The following NRXN1 variants were observed in gnomAD, a reference collection of about 807,000 sequenced individuals.
NRXN1 encodes neurexin 1, also known as neurexin-1.
Under a neutral mutation model 150.9 loss-of-function variants are expected in NRXN1, and 39 were observed. The observed-to-expected ratio is 0.26, with a 90% CI of 0.20 to 0.34. The LOEUF is 0.34. Ranked by LOEUF, NRXN1 falls within the 10% of genes least tolerant of loss-of-function variation. The pLI is 1.00. For synonymous variants in NRXN1, 924 were observed against 757.0 expected (o/e 1.22, Z -3.62); for missense variants, 1,815 against 1,949.9 (o/e 0.93, Z 1.30).
chr2:50,541,928 G>A (rs923174362), intron 9 of NRXN1, among the ~76,000 whole-genome samples: 1 of 152,102 alleles, frequency 6.6e-6, no homozygotes, highest in African/African-American at 2.4e-5. Context: ...ATCATAAAGA[G>A]TAAGTTTCTC....
At chr2:50,155,882 A>T (rs2058988195) in intron 18 of NRXN1, among the ~76,000 whole-genome samples, 1 of 151,716 alleles carries the variant, frequency 6.6e-6, no homozygotes, top group Non-Finnish European at 1.5e-5. Context: ...ACTGTTTAAA[A>T]AAAAGTAGAC....
intron 21 of NRXN1, among the ~76,000 whole-genome samples, chr2:50,011,733 C>T (rs150141339): frequency 6.6e-6 from 1 of 152,064 alleles, no homozygotes; most frequent in East Asian, 1.9e-4. Context: ...AAAGACAATT[C>T]CAAGATTCCT....
At position 50,882,748 on chromosome 2, in the gene NRXN1, T is replaced by C. The variant is rs187737659; in HGVS notation, c.832+39121A>G. Among the ~76,000 whole-genome samples, 46 of 151,984 alleles carry C rather than the reference T, an allele frequency of 3.0e-4. 1 individual carries two copies. Among genetic ancestry groups the C allele is most frequent in the African/African-American group, 1.1e-3 (45 of 41,522 alleles). Reference sequence around the variant, plus strand: ...TTCATAGCATTTCTTAGAAATTCCTTCAACCATAAATTATTATGTACCTTT... The same window carrying C: ...TTCATAGCATTTCTTAGAAATTCCTCCAACCATAAATTATTATGTACCTTT... On this transcript the variant is annotated intron_variant, in intron 5 of 22. Coordinates refer to ENST00000401669, the MANE Select transcript of NRXN1 (RefSeq NM_001330078.2).
chr2:50,031,034 C>T (rs1689099763), intron 21 of NRXN1, among the ~76,000 whole-genome samples: 1 of 151,990 alleles, frequency 6.6e-6, no homozygotes, highest in East Asian at 1.9e-4. Flanking sequence ...AATTTTAAAG[C>T]ACTACCCACA....
chr2:51,013,667 T>C (rs1440238965), intron 2 of NRXN1, among the ~76,000 whole-genome samples: 1 of 152,064 alleles, frequency 6.6e-6, no homozygotes, highest in African/African-American at 2.4e-5. Flanking sequence ...AATTTAAAAC[T>C]AGCAGTTGTC....
intron 17 of NRXN1, among the ~76,000 whole-genome samples, chr2:50,411,698 G>C (rs1436948939): frequency 6.6e-6 from 1 of 150,632 alleles, no homozygotes; most frequent in Admixed American, 6.6e-5. Flanking sequence ...GGGAGGTGGG[G>C]GGGCAGCCCC....
At chr2:50,603,213 ATGTG>A (rs965965055) in intron 8 of NRXN1, among the ~76,000 whole-genome samples, 2 of 152,206 alleles carry the variant, frequency 1.3e-5, no homozygotes, top group Admixed American at 6.5e-5. Context: ...TAAAAACATC[ATGTG>A]TTTTGATCAT....
intron 2 of NRXN1, among the ~76,000 whole-genome samples, chr2:50,988,027 A>G (rs1006612832): frequency 5.9e-5 from 9 of 152,040 alleles, no homozygotes; most frequent in African/African-American, 2.2e-4. Flanking sequence ...GATAGCTGCT[A>G]TTGAAATGTT....
intron 18 of NRXN1, among the ~76,000 whole-genome samples, chr2:50,094,059 C>T (rs1699916338): frequency 6.6e-6 from 1 of 152,164 alleles, no homozygotes; most frequent in Non-Finnish European, 1.5e-5. Context: ...AGTTAGTAGA[C>T]ATGTATCAAT....
At chr2:50,479,568 G>T (rs571873290) in intron 15 of NRXN1, among the ~76,000 whole-genome samples, 1 of 152,098 alleles carries the variant, frequency 6.6e-6, no homozygotes, top group South Asian at 2.1e-4. Context: ...CACTTAGTAA[G>T]CATTTGATAA....
chr2:50,092,860 A>G (rs1699769899), intron 18 of NRXN1, among the ~76,000 whole-genome samples: 2 of 152,086 alleles, frequency 1.3e-5, no homozygotes, highest in Non-Finnish European at 2.9e-5. Context: ...GCATGCTTAC[A>G]ATTTTTTTTG....
intron 8 of NRXN1, among the ~76,000 whole-genome samples, chr2:50,553,438 A>G (rs867132757): frequency 1.3e-5 from 2 of 152,184 alleles, no homozygotes; most frequent in South Asian, 2.1e-4. Flanking sequence ...CAGTTTTCCC[A>G]TCATTAAAGC....
At chr2:50,085,269 T>C (rs1012630055) in intron 19 of NRXN1, among the ~76,000 whole-genome samples, 1 of 152,234 alleles carries the variant, frequency 6.6e-6, no homozygotes, top group Non-Finnish European at 1.5e-5. Context: ...ATTCAACAAC[T>C]ATTTATTAAG....
At chr2:50,496,555 T>C (rs1312811833) in intron 14 of NRXN1, among the ~76,000 whole-genome samples, 1 of 152,186 alleles carries the variant, frequency 6.6e-6, no homozygotes, top group East Asian at 1.9e-4. Flanking sequence ...CATGTTTTTC[T>C]AATTTACCTG....
intron 18 of NRXN1, among the ~76,000 whole-genome samples, chr2:50,125,894 C>T (rs185747486): frequency 2.0e-4 from 30 of 152,134 alleles, no homozygotes; most frequent in Non-Finnish European, 4.1e-4. Flanking sequence ...CTGCACTTTC[C>T]TGTGGTATAA....
At chr2:50,731,893 C>T (rs542532579) in intron 5 of NRXN1, among the ~76,000 whole-genome samples, 2 of 152,216 alleles carry the variant, frequency 1.3e-5, no homozygotes, top group African/African-American at 4.8e-5. Flanking sequence ...GTTGGGATAA[C>T]GGGCCCAGTT....
At chr2:50,098,831 T>TA (rs200888709) in intron 18 of NRXN1, among the ~76,000 whole-genome samples, 1 of 2,950 alleles carries the variant, frequency 3.4e-4, no homozygotes, top group African/African-American at 2.1e-3. Flanking sequence ...TTGGTTTTAG[T>TA]TTTTTTTTTT....
intron 5 of NRXN1, among the ~76,000 whole-genome samples, chr2:50,789,109 G>C (rs1705572912): frequency 1.3e-5 from 2 of 152,100 alleles, no homozygotes; most frequent in Non-Finnish European, 1.5e-5. Flanking sequence ...ATTCCAGAAT[G>C]GCCAAGGATT....
At chr2:50,801,341 A>G (rs923224199) in intron 5 of NRXN1, among the ~76,000 whole-genome samples, 38 of 152,176 alleles carry the variant, frequency 2.5e-4, no homozygotes, top group African/African-American at 8.9e-4. Flanking sequence ...ACCATAATTT[A>G]TATCTGATGA....
Sources: allele counts gnomAD v4.1 joint callset (sites outside exome capture counted in the v4.1 genomes callset), GRCh38; gene constraint gnomAD v4.1.1; transcripts MANE v1.5; gene names NCBI Gene and HGNC (gene_info 2026-07-23, HGNC 2026-07-21).